MACROD2: variants seen among roughly 807,000 people sequenced by gnomAD.
The protein encoded by MACROD2 is ADP-ribose glycohydrolase MACROD2.
MACROD2 carries 36 observed loss-of-function variants against 70.4 expected under a neutral mutation model. That is an observed-to-expected ratio of 0.51 (90% CI 0.39 to 0.68). MACROD2 has a LOEUF of 0.68. Ranked by LOEUF, MACROD2 falls within the 30% of genes least tolerant of loss-of-function variation. The probability of loss-of-function intolerance (pLI) is 0.00; values close to 1 mark genes in which losing one functional copy is unlikely to be tolerated. For synonymous variants in MACROD2, 172 were observed against 178.8 expected (o/e 0.96, Z 0.30); for missense variants, 496 against 538.4 (o/e 0.92, Z 0.78).
intron 3 of MACROD2, among the ~76,000 whole-genome samples, chr20:14,110,430 G>T (rs190690445): frequency 6.6e-6 from 1 of 152,040 alleles, no homozygotes; most frequent in East Asian, 1.9e-4. Context: ...TGGAAAGAAA[G>T]AAGTTAAATT....
chr20:14,018,949 G>C (rs189548362), intron 2 of MACROD2, among the ~76,000 whole-genome samples: 159 of 152,314 alleles, frequency 1.0e-3, no homozygotes, highest in African/African-American at 3.6e-3. Context: ...TTTATAGGCA[G>C]AGTGACTATG....
chr20:15,471,719 T>C (rs1420187589), intron 7 of MACROD2, among the ~76,000 whole-genome samples: 6 of 152,186 alleles, frequency 3.9e-5, no homozygotes, highest in African/African-American at 1.4e-4. Flanking sequence ...TTCATCCATT[T>C]CCTTCTCCTT....
intron 3 of MACROD2, among the ~76,000 whole-genome samples, chr20:14,175,745 C>T (rs2209018): frequency 0.95 from 144,694 of 152,312 alleles, 68,752 homozygotes; most frequent in East Asian, 0.99. Context: ...TGCTGGGAAA[C>T]CGATCACAAC....
intron 3 of MACROD2, among the ~76,000 whole-genome samples, chr20:14,365,833 T>C (rs889132110): frequency 1.3e-5 from 2 of 152,218 alleles, no homozygotes; most frequent in African/African-American, 4.8e-5. Flanking sequence ...GGATATTTTC[T>C]AATTTCCCTT....
chr20:14,862,540 TATAA>T lies in MACROD2; in HGVS notation c.418+177583_418+177586del, dbSNP rs1410790579. On this transcript the variant is annotated intron_variant, in intron 5 of 17. Transcript: ENST00000684519. ...ATATAAATATAAATATATATAAATA[TATAA>T]AAATATATATATAAATATAAATATA... 2.4e-3 allele frequency among the ~76,000 whole-genome samples: 53 copies of T among 22,344 alleles called. 3 individuals carry two copies. The highest frequency in any genetic ancestry group is 2.9e-3 in the South Asian group (2 of 688). The allele number at this position is 22,344 out of a possible 152,430, so 14.7% of individuals were successfully genotyped here. A position where few individuals can be genotyped will look rare whatever the true frequency, so the allele number is the denominator to read the frequency against.
chr20:15,864,566 C>A (rs1336040230), intron 9 of MACROD2, among the ~76,000 whole-genome samples: 2 of 152,052 alleles, frequency 1.3e-5, no homozygotes, highest in East Asian at 3.9e-4. Context: ...ACAAATATTT[C>A]TATCAGCAGG....
chr20:15,992,334 A>G (rs974282806), intron 15 of MACROD2, among the ~76,000 whole-genome samples: 9 of 152,110 alleles, frequency 5.9e-5, no homozygotes, highest in African/African-American at 1.9e-4. Context: ...CATTCCTTCC[A>G]ATATCTCTGA....
At chr20:15,468,271 C>T (rs1003877394) in intron 7 of MACROD2, among the ~76,000 whole-genome samples, 11 of 151,922 alleles carry the variant, frequency 7.2e-5, no homozygotes, top group African/African-American at 2.2e-4. Context: ...CAAGAGGATA[C>T]TTCCTCCATA....
chr20:14,714,742 A>T (rs971998607), intron 5 of MACROD2, among the ~76,000 whole-genome samples: 2 of 151,806 alleles, frequency 1.3e-5, no homozygotes, highest in African/African-American at 4.8e-5. Context: ...ACATCAACAC[A>T]CTCTAATTTC....
intron 5 of MACROD2, among the ~76,000 whole-genome samples, chr20:14,942,251 A>G (rs1158089629): frequency 6.6e-6 from 1 of 152,190 alleles, no homozygotes; most frequent in Non-Finnish European, 1.5e-5. Context: ...TAAATGTCAT[A>G]TATGAATTAA....
At chr20:15,878,699 A>G (rs1414618152) in intron 9 of MACROD2, among the ~76,000 whole-genome samples, 3 of 152,262 alleles carry the variant, frequency 2.0e-5, no homozygotes, top group South Asian at 2.1e-4. Context: ...AATGACAGGT[A>G]CCTGCTCAGA....
chr20:14,259,899 C>G (rs2082088402), intron 3 of MACROD2, among the ~76,000 whole-genome samples: 1 of 152,158 alleles, frequency 6.6e-6, no homozygotes, highest in Admixed American at 6.5e-5. Flanking sequence ...TGTTACAGAA[C>G]AGCATTCCAA....
intron 11 of MACROD2, among the ~76,000 whole-genome samples, chr20:15,934,675 G>GTTTGTTT (rs527855370): frequency 6.6e-6 from 1 of 151,662 alleles, no homozygotes; most frequent in Non-Finnish European, 1.5e-5. Context: ...TGTTTTTTTT[G>GTTTGTTT]TTTGTTTTTT....
At chr20:15,424,754 T>G (rs1261465673) in intron 6 of MACROD2, among the ~76,000 whole-genome samples, 2 of 152,180 alleles carry the variant, frequency 1.3e-5, no homozygotes, top group African/African-American at 2.4e-5. Context: ...AATGGTATTC[T>G]GAATTTCATT....
intron 8 of MACROD2, among the ~76,000 whole-genome samples, chr20:15,765,185 T>C (rs2051502951): frequency 1.3e-5 from 2 of 152,180 alleles, no homozygotes; most frequent in Admixed American, 1.3e-4. Flanking sequence ...CTGCTATCCA[T>C]TGACAGCTGG....
At position 14,799,097 on chromosome 20, in the gene MACROD2, T is replaced by G. The variant is rs1191080781; in HGVS notation, c.418+114138T>G. ...CTTTTAGAAATTTACCTAAAGTAAATCGTTAGAGAAGGGGCCCTTGTAGAA... is the reference window on the plus strand; with the variant it reads ...CTTTTAGAAATTTACCTAAAGTAAAGCGTTAGAGAAGGGGCCCTTGTAGAA... On this transcript the variant is annotated intron_variant, in intron 5 of 17. Transcript: ENST00000684519. Among the ~76,000 whole-genome samples, 3 of 152,094 alleles carry G rather than the reference T, an allele frequency of 2.0e-5. No individual in the cohort carries two copies. In the East Asian group the frequency reaches 5.8e-4, roughly 29 times the overall value.
intron 10 of MACROD2, among the ~76,000 whole-genome samples, chr20:15,924,382 T>G (rs578025098): frequency 6.6e-6 from 1 of 152,322 alleles, no homozygotes; most frequent in African/African-American, 2.4e-5. Context: ...CATCTACATC[T>G]TCAATCGTTG....
At chr20:14,020,945 A>G (rs1041162229) in intron 2 of MACROD2, among the ~76,000 whole-genome samples, 3 of 149,984 alleles carry the variant, frequency 2.0e-5, no homozygotes, top group African/African-American at 4.9e-5. Context: ...CATGTACGTG[A>G]CTTTCTAAAT....
chr20:14,462,652 G>A (rs1385661992), intron 3 of MACROD2, among the ~76,000 whole-genome samples: 1 of 152,024 alleles, frequency 6.6e-6, no homozygotes, highest in Non-Finnish European at 1.5e-5. Context: ...TTCTTCTAGG[G>A]TTTTTATCAT....
Sources: gnomAD v4.1 joint callset for allele counts (sites outside exome capture counted in the v4.1 genomes callset) on GRCh38, gnomAD v4.1.1 for gene constraint, MANE v1.5 for transcripts, NCBI Gene and HGNC (gene_info 2026-07-23, HGNC 2026-07-21) for gene names.